Variants in PRKCB observed in about 807,000 individuals in gnomAD.
PRKCB encodes protein kinase C beta.
A neutral mutation model predicts 81.5 loss-of-function variants in PRKCB; 13 were observed. The ratio of observed to expected loss-of-function variants is 0.16; its 90% CI spans 0.10 to 0.25. The LOEUF (loss-of-function observed/expected upper bound fraction) is 0.25, where lower values mean the gene tolerates loss of function less well. PRKCB is among the 10% of genes least tolerant of loss of function. The pLI is 1.00. For missense variants in PRKCB, 509 were observed against 875.7 expected, an observed-to-expected ratio of 0.58 and a Z score of 5.29; for synonymous variants, 335 against 321.4, an observed-to-expected ratio of 1.04 and a Z score of -0.45.
chr16:24,126,979 A>T (rs198192), intron 9 of PRKCB, among the ~76,000 whole-genome samples: 69,462 of 145,172 alleles, frequency 0.48, 16,725 homozygotes, highest in African/African-American at 0.55. Context: ...GTCCTAAATT[A>T]TATATATATA....
intron 2 of PRKCB, among the ~76,000 whole-genome samples, chr16:23,878,734 A>G (rs892628638): frequency 3.9e-5 from 6 of 152,202 alleles, no homozygotes; most frequent in African/African-American, 1.2e-4. Flanking sequence ...TGAATTTGCA[A>G]ATAATGAGGA....
At chr16:24,198,244 G>A (rs2141984648) in intron 16 of PRKCB, among the ~76,000 whole-genome samples, 1 of 152,326 alleles carries the variant, frequency 6.6e-6, no homozygotes, top group African/African-American at 2.4e-5. Context: ...ACATTGAAAT[G>A]CCTAATGGAG....
chr16:24,180,069 C>T (rs1435994962), intron 12 of PRKCB, among the ~76,000 whole-genome samples: 3 of 152,120 alleles, frequency 2.0e-5, no homozygotes, highest in Admixed American at 6.5e-5. Context: ...CTCAGCTTCC[C>T]GAGTAGCTGG....
At position 23,955,885 on chromosome 16, in the gene PRKCB, G is replaced by A. The variant is rs117226066; in HGVS notation, c.206-32623G>A. Among the ~76,000 whole-genome samples, 90 of 152,230 alleles carry A rather than the reference G, an allele frequency of 5.9e-4. 1 individual carries two copies. In the East Asian group the frequency reaches 0.016, roughly 27 times the overall value. ...TTGTGTCATCTCCTCTTCATTCAAT[G>A]TGAGATACTCACCTTGATTCATAGA... On this transcript the variant is annotated intron_variant, in intron 2 of 16. Coordinates refer to ENST00000643927, the MANE Select transcript of PRKCB (RefSeq NM_002738.7).
At chr16:23,930,543 T>C (rs1170696670) in intron 2 of PRKCB, among the ~76,000 whole-genome samples, 1 of 145,010 alleles carries the variant, frequency 6.9e-6, no homozygotes, top group African/African-American at 2.5e-5. Context: ...CACTTCAGCC[T>C]GGGTGAGAGA....
rs114967035 is a variant in PRKCB at position 23,892,731 on chromosome 16, A to C, written c.205+55325A>C. Among the ~76,000 whole-genome samples the C allele has an allele frequency of 6.4e-3, 973 of 152,216 alleles. 18 individuals are homozygous for C. The highest frequency in any genetic ancestry group is 0.021 in the African/African-American group (878 of 41,508). Reference sequence around the variant, plus strand: ...AAAATACTAGTTTGGATGGGAGCTCAACACAATCTGAGGGGATATATTGGA... The same window carrying C: ...AAAATACTAGTTTGGATGGGAGCTCCACACAATCTGAGGGGATATATTGGA... On this transcript the variant is annotated intron_variant, in intron 2 of 16. Transcript: ENST00000643927.
At chr16:24,096,230 C>T (rs957308018) in intron 7 of PRKCB, among the ~76,000 whole-genome samples, 4 of 152,076 alleles carry the variant, frequency 2.6e-5, no homozygotes, top group Non-Finnish European at 4.4e-5. Context: ...CACTGCACTC[C>T]AGCCTGGGTG....
At chr16:24,089,917 C>T (rs574986720) in intron 5 of PRKCB, among the ~76,000 whole-genome samples, 51 of 152,258 alleles carry the variant, frequency 3.3e-4, no homozygotes, top group Non-Finnish European at 5.7e-4. Context: ...AGGTTCTGTG[C>T]TAAACATGTA....
chr16:23,856,164 G>T (rs914317714), intron 2 of PRKCB, among the ~76,000 whole-genome samples: 1 of 152,186 alleles, frequency 6.6e-6, no homozygotes, highest in Non-Finnish European at 1.5e-5. Flanking sequence ...CATGGGAATA[G>T]CTTGTCCTGG....
At chr16:23,848,728 G>T (rs1388236414) in intron 2 of PRKCB, among the ~76,000 whole-genome samples, 1 of 152,164 alleles carries the variant, frequency 6.6e-6, no homozygotes, top group Non-Finnish European at 1.5e-5. Flanking sequence ...CTTGCTGTGG[G>T]ACCTTAAGCA....
intron 2 of PRKCB, among the ~76,000 whole-genome samples, chr16:23,896,080 T>TG (rs1372189427): frequency 1.4e-5 from 2 of 147,010 alleles, no homozygotes; most frequent in Non-Finnish European, 1.5e-5. Context: ...CCATTCACAT[T>TG]TTTTTTTTTT....
intron 3 of PRKCB, among the ~76,000 whole-genome samples, chr16:24,028,869 C>T (rs767550378): frequency 1.3e-5 from 2 of 152,120 alleles, no homozygotes; most frequent in African/African-American, 2.4e-5. Flanking sequence ...CGGCTCACTG[C>T]AACCTCCGCC....
At chr16:24,018,006 C>A (rs1046819629) in intron 3 of PRKCB, among the ~76,000 whole-genome samples, 12 of 149,834 alleles carry the variant, frequency 8.0e-5, no homozygotes, top group Admixed American at 2.7e-4. Context: ...TCATGCCATA[C>A]TCCTGCCTCA....
At chr16:23,875,505 ATGATGTATATCACACACATATG>A (rs1962984101) in intron 2 of PRKCB, among the ~76,000 whole-genome samples, 1 of 27,722 alleles carries the variant, frequency 3.6e-5, no homozygotes, top group Non-Finnish European at 6.3e-5. Context: ...ATATATATAT[ATGATGTATATCACACACATATG>A]TGTATATCAC....
At chr16:24,061,922 A>AAT (rs910871915) in intron 5 of PRKCB, among the ~76,000 whole-genome samples, 1 of 149,508 alleles carries the variant, frequency 6.7e-6, no homozygotes, top group Admixed American at 6.6e-5. Context: ...AAAAAAAAAA[A>AAT]AAAAAAAAAA....
intron 2 of PRKCB, among the ~76,000 whole-genome samples, chr16:23,845,831 T>A (rs1962358231): frequency 2.0e-5 from 3 of 152,214 alleles, no homozygotes; most frequent in African/African-American, 7.2e-5. Flanking sequence ...CCTTTTTGTT[T>A]AGGGTTTACA....
intron 9 of PRKCB, among the ~76,000 whole-genome samples, chr16:24,139,255 T>A (rs1002513612): frequency 6.6e-6 from 1 of 152,214 alleles, no homozygotes; most frequent in African/African-American, 2.4e-5. Context: ...GTTCAGTTAC[T>A]GGAATTGATC....
At chr16:24,115,828 C>G (rs1966731821) in intron 8 of PRKCB, among the ~76,000 whole-genome samples, 1 of 152,112 alleles carries the variant, frequency 6.6e-6, no homozygotes, top group Admixed American at 6.5e-5. Flanking sequence ...TGGGTTCACG[C>G]CATTCTCCTG....
intron 5 of PRKCB, among the ~76,000 whole-genome samples, chr16:24,078,236 C>T (rs1446498462): frequency 2.0e-5 from 3 of 152,330 alleles, no homozygotes; most frequent in East Asian, 1.9e-4. Context: ...GCCGCTGCAG[C>T]GTGGGAGAGG....
Sources: allele counts gnomAD v4.1 joint callset (sites outside exome capture counted in the v4.1 genomes callset), GRCh38; gene constraint gnomAD v4.1.1; transcripts MANE v1.5; gene names NCBI Gene and HGNC (gene_info 2026-07-23, HGNC 2026-07-21).